CDK14: variants seen among roughly 807,000 people sequenced by gnomAD.
CDK14 encodes the protein cyclin dependent kinase 14.
In CDK14, 34 loss-of-function variants were observed where a neutral mutation model predicts 60.7. The ratio of observed to expected loss-of-function variants is 0.56; its 90% CI spans 0.43 to 0.75. The LOEUF (loss-of-function observed/expected upper bound fraction) is 0.75. CDK14 is among the 30% of genes least tolerant of loss of function. CDK14 has a pLI of 0.00. For synonymous variants in CDK14, 197 were observed against 203.7 expected (o/e 0.97, Z 0.28); for missense variants, 482 against 564.1 (o/e 0.85, Z 1.47).
chr7:90,596,717 T>C lies in CDK14; in HGVS notation c.90T>C (p.Ile30=), dbSNP rs932722852. The C allele has an allele frequency of 6.2e-7, 1 of 1,610,140 alleles. No individual in the cohort carries two copies. The highest frequency in any genetic ancestry group is 8.5e-7 in the Non-Finnish European group (1 of 1,177,872). The change falls in exon 1 of 15, where the codon ATT becomes ATC. Residue 30 remains isoleucine, a splice_region_variant and synonymous_variant. Coordinates refer to ENST00000380050, the MANE Select transcript of CDK14 (RefSeq NM_001287135.2). ...CTTTGTCGGAGAGTTTCAGTCGCATTGGTGAGTAGCGCGCTGCCCCCGGCC... is the reference window on the plus strand; with the variant it reads ...CTTTGTCGGAGAGTTTCAGTCGCATCGGTGAGTAGCGCGCTGCCCCCGGCC... ...RRTLSESFSR[I]ALKKDDTTFD...
At chr7:90,872,913 C>G (rs192241193) in intron 6 of CDK14, among the ~76,000 whole-genome samples, 189 of 152,146 alleles carry the variant, frequency 1.2e-3, no homozygotes, top group African/African-American at 4.4e-3. Context: ...TATTTTAATT[C>G]TTGTTCCTCA....
chr7:91,144,198 T>G (rs1190394821), intron 14 of CDK14, among the ~76,000 whole-genome samples: 2 of 152,204 alleles, frequency 1.3e-5, no homozygotes, highest in African/African-American at 4.8e-5. Flanking sequence ...ACAATTTCAC[T>G]GTTACTGAGA....
At chr7:90,719,161 G>T (rs964609331) in intron 2 of CDK14, among the ~76,000 whole-genome samples, 1 of 152,118 alleles carries the variant, frequency 6.6e-6, no homozygotes, top group Non-Finnish European at 1.5e-5. Context: ...TCATAGTTTT[G>T]CATTGGACCT....
intron 11 of CDK14, among the ~76,000 whole-genome samples, chr7:91,060,447 T>C (rs1057013860): frequency 6.6e-6 from 1 of 152,304 alleles, no homozygotes; most frequent in East Asian, 1.9e-4. Flanking sequence ...GTCATTATGA[T>C]GTTAGCTGGT....
intron 2 of CDK14, among the ~76,000 whole-genome samples, chr7:90,702,852 ATGTT>A (rs1166753238): frequency 6.6e-6 from 1 of 152,094 alleles, no homozygotes; most frequent in Non-Finnish European, 1.5e-5. Context: ...TTATTTCTGT[ATGTT>A]TATTTGGCAG....
intron 9 of CDK14, among the ~76,000 whole-genome samples, chr7:90,975,016 G>C (rs999898100): frequency 3.3e-5 from 5 of 152,122 alleles, no homozygotes; most frequent in African/African-American, 1.2e-4. Context: ...TTCTGAGAAA[G>C]GTAATGGTGG....
chr7:90,830,562 C>T (rs879424314), intron 5 of CDK14, among the ~76,000 whole-genome samples: 4 of 152,152 alleles, frequency 2.6e-5, no homozygotes, highest in Admixed American at 6.5e-5. Context: ...TATTACCATT[C>T]GGCTTCTTTT....
Position 91,124,869 on chromosome 7 carries a change from C to T in CDK14, c.*28+6661C>T, listed in dbSNP as rs145221278. ...AAAGTAGTTAGAATCAGTTCAGGTGCTGTATTTTTCCTTTTCATTTAATGT... is the reference window on the plus strand; with the variant it reads ...AAAGTAGTTAGAATCAGTTCAGGTGTTGTATTTTTCCTTTTCATTTAATGT... On this transcript the variant is annotated intron_variant, in intron 14 of 14. Transcript: ENST00000380050. 7.2e-5 allele frequency among the ~76,000 whole-genome samples: 11 copies of T among 152,214 alleles called. 3 individuals carry two copies. Among genetic ancestry groups the T allele is most frequent in the African/African-American group, 2.6e-4 (11 of 41,536 alleles).
chr7:90,962,427 A>G (rs1794628203), intron 9 of CDK14, among the ~76,000 whole-genome samples: 1 of 152,136 alleles, frequency 6.6e-6, no homozygotes, highest in Non-Finnish European at 1.5e-5. Flanking sequence ...CAGAGGTTAC[A>G]GTGAGTTGAG....
chr7:91,032,913 A>C (rs997788846), intron 10 of CDK14, among the ~76,000 whole-genome samples: 3 of 152,266 alleles, frequency 2.0e-5, no homozygotes, highest in African/African-American at 7.2e-5. Context: ...GAATCAATTC[A>C]ATAACTTTGT....
At chr7:91,122,705 T>C (rs1799817818) in intron 14 of CDK14, among the ~76,000 whole-genome samples, 1 of 152,220 alleles carries the variant, frequency 6.6e-6, no homozygotes. Context: ...ATTCTGCTTA[T>C]TATCATTTCT....
intron 6 of CDK14, among the ~76,000 whole-genome samples, chr7:90,871,564 T>C (rs1327858061): frequency 1.3e-5 from 2 of 152,210 alleles, no homozygotes; most frequent in Admixed American, 6.5e-5. Flanking sequence ...TGCTCAATTA[T>C]GTGTTTTCTG....
intron 10 of CDK14, among the ~76,000 whole-genome samples, chr7:91,025,800 T>C (rs553263444): frequency 6.6e-6 from 1 of 152,236 alleles, no homozygotes; most frequent in Non-Finnish European, 1.5e-5. Context: ...TTTCTTCCTT[T>C]TTCAGTTTAA....
intron 7 of CDK14, among the ~76,000 whole-genome samples, chr7:90,902,775 A>G (rs556026422): frequency 3.9e-4 from 60 of 152,308 alleles, no homozygotes; most frequent in Admixed American, 2.1e-3. Context: ...AGGCTTCTGC[A>G]AAGCAAAGGA....
At chr7:91,165,863 A>G (rs1175852387) in intron 14 of CDK14, among the ~76,000 whole-genome samples, 4 of 152,236 alleles carry the variant, frequency 2.6e-5, no homozygotes, top group Non-Finnish European at 5.9e-5. Context: ...ATAAACATCA[A>G]TGTTTTTTAT....
At chr7:91,186,758 T>C (rs887413345) in intron 14 of CDK14, among the ~76,000 whole-genome samples, 1 of 152,190 alleles carries the variant, frequency 6.6e-6, no homozygotes, top group African/African-American at 2.4e-5. Flanking sequence ...TTTTGTTTCA[T>C]TTTTTCTTTA....
Position 91,056,810 on chromosome 7 carries a change from G to A in CDK14, c.1105+10850G>A, listed in dbSNP as rs183460839. ...CATTTTCTTAATCCAGTCTATCATT[G>A]TTGGACATTTGGGTTGGTTCCAAGT... On this transcript the variant is annotated intron_variant, in intron 11 of 14. Coordinates refer to ENST00000380050, the MANE Select transcript of CDK14 (RefSeq NM_001287135.2). Among the ~76,000 whole-genome samples the A allele has an allele frequency of 3.0e-3, 460 of 152,172 alleles. 2 individuals carry two copies. The highest frequency in any genetic ancestry group is 0.011 in the African/African-American group (440 of 41,470).
rs371155564 is a variant in CDK14 at position 91,012,386 on chromosome 7, A to G, written c.1041+28145A>G. Among the ~76,000 whole-genome samples the G allele has an allele frequency of 2.6e-5, 4 of 152,294 alleles. No homozygotes were observed. In the South Asian group the frequency reaches 8.3e-4, roughly 32 times the overall value. ...CTGACATTACTTAACTGAATCATCA[A>G]GGGGACTTTCTGCAGATCTTCATAG... On this transcript the variant is annotated intron_variant, in intron 10 of 14. Transcript: ENST00000380050.
At chr7:90,771,145 C>A (rs1804768268) in intron 4 of CDK14, among the ~76,000 whole-genome samples, 1 of 152,202 alleles carries the variant, frequency 6.6e-6, no homozygotes. Context: ...TTCTTTGTAT[C>A]CTGAGTTGAC....
Sources: gnomAD v4.1 joint callset for allele counts (sites outside exome capture counted in the v4.1 genomes callset) on GRCh38, gnomAD v4.1.1 for gene constraint, MANE v1.5 for transcripts, NCBI Gene and HGNC (gene_info 2026-07-23, HGNC 2026-07-21) for gene names.